Variants in NIF3L1 observed in about 807,000 individuals in gnomAD.
NIF3L1 encodes NGG1 interacting factor 3 like 1.
A neutral mutation model predicts 35.0 loss-of-function variants in NIF3L1; 26 were observed. The observed-to-expected ratio is 0.74, with a 90% CI of 0.54 to 1.03. NIF3L1 has a LOEUF of 1.03. NIF3L1 is among the 50% of genes least tolerant of loss of function. The pLI, the probability that NIF3L1 is intolerant of heterozygous loss-of-function variation, is 0.00. For missense variants in NIF3L1, 449 were observed against 466.3 expected (o/e 0.96, Z 0.34); for synonymous variants, 157 against 178.9 (o/e 0.88, Z 0.98).
At chr2:200,901,513 G>A (rs10497855) in intron 6 of NIF3L1, among the ~76,000 whole-genome samples, 4,450 of 152,104 alleles carry the variant, frequency 0.029, 109 homozygotes, top group Middle Eastern at 0.089. Context: ...TATATTATCC[G>A]GCTAGCATTA....
At chr2:200,903,325 G>A (rs924079489) in intron 6 of NIF3L1, among the ~76,000 whole-genome samples, 169 bp from the exon 7 acceptor site, 2 of 152,114 alleles carry the variant, frequency 1.3e-5, no homozygotes, top group African/African-American at 4.8e-5. Context: ...TTAAGTTGGA[G>A]GACATAAAAG....
At position 200,903,547 on chromosome 2, in the gene NIF3L1, ATCC is replaced by A; in HGVS notation, c.1006_1008del (p.Leu336del). 1 of 1,614,140 alleles carries A rather than the reference ATCC, an allele frequency of 6.2e-7. No homozygotes were observed. The highest frequency in any genetic ancestry group is 1.1e-5 in the South Asian group (1 of 91,082). ...TGCTGCTTCCCAAGGAATAAATGTC[ATCC>A]TCTGTGAACACAGCAACACTGAACG... On this transcript the variant is annotated inframe_deletion, in exon 7 of 7. Coordinates refer to ENST00000409020, the MANE Select transcript of NIF3L1 (RefSeq NM_001369441.2).
In NIF3L1 at chr2:200,899,382, AAG is replaced by A. The variant is rs768442098; in HGVS notation, c.866_867del. 6.2e-7 allele frequency: 1 copy of A among 1,612,748 alleles called. No individual in the cohort carries two copies. The highest frequency in any genetic ancestry group is 1.1e-5 in the South Asian group (1 of 91,030). On this transcript the variant is annotated splice_acceptor_variant, in intron 5 of 6. Transcript: ENST00000409020. LOFTEE classifies it high-confidence loss of function. ...TTGGTCTCTTGTTTCCTCTGTTTTG[AAG>A]AGTCTCAAGTCAAAGTCGTGGCCCT...
In NIF3L1 at chr2:200,891,978, C is replaced by A. The variant is rs779009536; in HGVS notation, c.35C>A (p.Thr12Lys). ...TCTTGCGTACGCCCAGTCCCCACGA[C>A]AGTCCGGTTTGTAGATTCCCTGATC... ...LSSCVRPVPT[T>K]VRFVDSLICN... Residue 12 changes from threonine to lysine, a missense_variant, in exon 2 of 7, where the codon ACA becomes AAA. Transcript: ENST00000409020. The A allele has an allele frequency of 9.3e-6, 15 of 1,613,716 alleles. No homozygotes were observed. In the South Asian group the frequency reaches 1.6e-4, roughly 18 times the overall value.
rs554235294 is a variant in NIF3L1, at chr2:200,898,751, T to C, written c.866-634T>C. ...GATTTTGGCTCGAAAGTTGCTGTTA[T>C]TTCACTTTCCAGAGGATGCTTTTTG... On this transcript the variant is annotated intron_variant, in intron 5 of 6. Transcript: ENST00000409020. Among the ~76,000 whole-genome samples, 28 of 152,326 alleles carry C rather than the reference T, an allele frequency of 1.8e-4. No homozygotes were observed. The South Asian group carries it at 5.2e-3, about 28-fold the overall frequency.
chr2:200,894,044 C>T (rs900870923), intron 3 of NIF3L1, among the ~76,000 whole-genome samples: 1 of 151,796 alleles, frequency 6.6e-6, no homozygotes, highest in African/African-American at 2.4e-5. Context: ...CGTAGTGGCG[C>T]ATGCCTGTAA....
Position 200,893,479 on chromosome 2 carries a change from C to G in NIF3L1, c.599+71C>G, listed in dbSNP as rs2040242519. ...CATCTTCCTTACAAAGTCTATAACC[C>G]TGGTATTTAGGCTTGAAACAAATAG... On this transcript the variant is annotated intron_variant, in intron 3 of 6. Coordinates refer to ENST00000409020, the MANE Select transcript of NIF3L1 (RefSeq NM_001369441.2). The G allele has an allele frequency of 3.5e-6, 5 of 1,447,518 alleles. 1 individual carries two copies. The South Asian group carries it at 4.8e-5, about 14-fold the overall frequency. 89.7% of individuals were successfully genotyped at this position (1,447,518 alleles called of 1,614,324 possible).
At chr2:200,896,029 T>G (rs2124888007) in intron 4 of NIF3L1, among the ~76,000 whole-genome samples, 1 of 152,236 alleles carries the variant, frequency 6.6e-6, no homozygotes, top group South Asian at 2.1e-4. Context: ...TACTTTAGTT[T>G]CCAAGTTTTC....
chr2:200,891,759 T>C (rs1483801269), intron 1 of NIF3L1, 159 bp from the exon 2 acceptor site: 3 of 598,670 alleles, frequency 5.0e-6, no homozygotes, highest in Non-Finnish European at 5.9e-6. Context: ...ATTGGAGAGG[T>C]TAAATGGCTT....
intron 4 of NIF3L1, among the ~76,000 whole-genome samples, chr2:200,896,503 AG>A (rs1426467956): frequency 1.3e-5 from 2 of 152,074 alleles, no homozygotes; most frequent in African/African-American, 4.8e-5. Flanking sequence ...GTACTCCCCA[AG>A]CCTCCTAAGT....
chr2:200,899,284 G>C, intron 5 of NIF3L1, 101 bp from the exon 6 acceptor site: 1 of 817,856 alleles, frequency 1.2e-6, no homozygotes, highest in Non-Finnish European at 2.0e-6. Flanking sequence ...ATGAGACCAG[G>C]AGTGAAATCT....
intron 6 of NIF3L1, among the ~76,000 whole-genome samples, chr2:200,902,828 T>A (rs1188913096): frequency 6.6e-6 from 1 of 152,210 alleles, no homozygotes; most frequent in Non-Finnish European, 1.5e-5. Context: ...ATTTATTACT[T>A]ACATAAGAGG....
intron 3 of NIF3L1, among the ~76,000 whole-genome samples, chr2:200,894,025 T>G (rs1275700415): frequency 6.6e-6 from 1 of 151,842 alleles, no homozygotes; most frequent in East Asian, 2.0e-4. Flanking sequence ...AAATACAAAA[T>G]TAGCTGGGCG....
chr2:200,890,084 G>T (rs1289660182), intron 1 of NIF3L1, among the ~76,000 whole-genome samples: 1 of 152,138 alleles, frequency 6.6e-6, no homozygotes, highest in Non-Finnish European at 1.5e-5. Context: ...AAGGCCGGAC[G>T]CAGTGGCTCA....
intron 6 of NIF3L1, among the ~76,000 whole-genome samples, chr2:200,900,818 T>C (rs972662050): frequency 1.3e-5 from 2 of 152,148 alleles, no homozygotes; most frequent in Non-Finnish European, 2.9e-5. Flanking sequence ...ATTTCAGACC[T>C]ATGCAAAAGT....
At chr2:200,890,879 G>A (rs1310198339) in intron 1 of NIF3L1, among the ~76,000 whole-genome samples, 4 of 151,774 alleles carry the variant, frequency 2.6e-5, no homozygotes, top group Non-Finnish European at 5.9e-5. Context: ...CCTTGACCCT[G>A]CCCATTTATA....
At chr2:200,894,296 C>CT (rs1331227307) in intron 3 of NIF3L1, among the ~76,000 whole-genome samples, 1 of 152,062 alleles carries the variant, frequency 6.6e-6, no homozygotes, top group Non-Finnish European at 1.5e-5. Context: ...ATTATCATCT[C>CT]TAAGGCTTTA....
At chr2:200,897,252 G>A (rs1177455773) in intron 5 of NIF3L1, 38 bp downstream of exon 5, 2 of 1,596,780 alleles carry the variant, frequency 1.3e-6, no homozygotes, top group South Asian at 2.2e-5. Flanking sequence ...TATGCCTACT[G>A]TTAACATTGG....
At chr2:200,900,454 G>T (rs2040394674) in intron 6 of NIF3L1, among the ~76,000 whole-genome samples, 1 of 152,072 alleles carries the variant, frequency 6.6e-6, no homozygotes, top group Non-Finnish European at 1.5e-5. Flanking sequence ...CAGGCTCTAG[G>T]CTCTTAGCCC....
Sources: gnomAD v4.1 joint callset for allele counts (sites outside exome capture counted in the v4.1 genomes callset) on GRCh38, gnomAD v4.1.1 for gene constraint, MANE v1.5 for transcripts, NCBI Gene and HGNC (gene_info 2026-07-23, HGNC 2026-07-21) for gene names.